SIDT2: variants seen among roughly 807,000 people sequenced by gnomAD.
SIDT2 encodes SID1 transmembrane family, member 2.
A neutral mutation model predicts 114.4 loss-of-function variants in SIDT2; 68 were observed. The ratio of observed to expected loss-of-function variants is 0.59; its 90% CI spans 0.49 to 0.73. The LOEUF is 0.73. Among genes scored for constraint, SIDT2 ranks in the 30% least tolerant of loss-of-function variants. The probability of loss-of-function intolerance (pLI) is 0.00; values close to 1 mark genes in which losing one functional copy is unlikely to be tolerated. For missense variants in SIDT2, 918 were observed against 1,097.1 expected (o/e 0.84, Z 2.31); for synonymous variants, 470 against 438.4 (o/e 1.07, Z -0.90).
chr11:117,186,028 A>G, intron 8 of SIDT2, 102 bp from the exon 9 acceptor site: 1 of 915,798 alleles, frequency 1.1e-6, no homozygotes, highest in Non-Finnish European at 1.8e-6. Flanking sequence ...GAGAAGGGTG[A>G]GAGATTGAGC....
chr11:117,186,386 C>T (rs1044108399), intron 9 of SIDT2, among the ~76,000 whole-genome samples, 163 bp downstream of exon 9: 1 of 152,076 alleles, frequency 6.6e-6, no homozygotes, highest in African/African-American at 2.4e-5. Context: ...CTCTAGAAAC[C>T]ATCCCCTCCC....
chr11:117,187,503 G>C, intron 11 of SIDT2, 54 bp downstream of exon 11: 3 of 1,604,036 alleles, frequency 1.9e-6, no homozygotes, highest in South Asian at 2.2e-5. Context: ...TGTCTCCTTA[G>C]GCCACCACCT....
At position 117,197,080 on chromosome 11, in the gene SIDT2, C is replaced by T. The variant is rs2030918704; in HGVS notation, c.*1014C>T. 1 of 152,450 alleles carries T rather than the reference C, an allele frequency of 6.6e-6. No individual in the cohort carries two copies. The highest frequency in any genetic ancestry group is 1.5e-5 in the Non-Finnish European group (1 of 68,088). 9.4% of individuals were successfully genotyped at this position (152,450 alleles called of 1,614,324 possible). A position where few individuals can be genotyped will look rare whatever the true frequency, so the allele number is the denominator to read the frequency against. On this transcript the variant is annotated 3_prime_UTR_variant, in exon 26 of 26. Transcript: ENST00000324225. Reference sequence around the variant, plus strand: ...CCAGTCCTAGCCTCGCTCTAGGACCCAGGGCTGGCTTCTAAGTTTCCGTCC... The same window carrying T: ...CCAGTCCTAGCCTCGCTCTAGGACCTAGGGCTGGCTTCTAAGTTTCCGTCC...
rs753912935 is a variant in SIDT2 at position 117,181,937 on chromosome 11, C to T, written c.436C>T (p.Leu146Phe). Reference protein sequence around the residue: ...TLSPVNTTYQLRVSRMDDFVL... With the variant: ...TLSPVNTTYQFRVSRMDDFVL... ...GTCACCAGTCAACACCACATACCAG[C>T]TCCGGGTCAGCCGCATGGACGATTT... is the stretch of plus-strand genomic sequence containing the variant. Residue 146 changes from leucine (L) to phenylalanine (F), a missense_variant, in exon 3 of 26, where the codon CTC (leucine) becomes TTC (phenylalanine). Physicochemically the swap from Leu to Phe is conservative, Grantham distance 22 (BLOSUM62 0). Around this residue, in one of 4 missense-constraint regions of SIDT2, gnomAD observed 553 missense variants for 600.1 expected, o/e 0.92. Coordinates refer to ENST00000324225, the MANE Select transcript of SIDT2 (RefSeq NM_001040455.2). 1.2e-6 allele frequency: 2 copies of T among 1,614,166 alleles called. No homozygotes were observed. The highest frequency in any genetic ancestry group is 3.3e-5 in the Admixed American group (2 of 60,022).
Position 117,186,612 on chromosome 11 carries a change from A to G in SIDT2, c.991A>G (p.Ile331Val). ...RQKKKTLLVA[I>V]DRACPESGHP... Reference sequence around the variant, plus strand: ...GAAGAAGAAGACCCTGCTGGTGGCCATTGACCGAGCCTGCCCAGAAAGCGG... The same window carrying G: ...GAAGAAGAAGACCCTGCTGGTGGCCGTTGACCGAGCCTGCCCAGAAAGCGG... The change falls in exon 10 of 26, where the codon ATT (isoleucine) becomes GTT (valine). Residue 331 changes from isoleucine (I) to valine (V), a missense_variant. By Grantham distance (29) the Ile-to-Val change is conservative. Coordinates refer to ENST00000324225, the MANE Select transcript of SIDT2 (RefSeq NM_001040455.2). 1 of 1,568,748 alleles carries G rather than the reference A, an allele frequency of 6.4e-7. No homozygotes were observed. The highest frequency in any genetic ancestry group is 8.6e-7 in the Non-Finnish European group (1 of 1,160,790).
Position 117,187,202 on chromosome 11 carries a change from G to C in SIDT2, c.1016-176G>C, listed in dbSNP as rs1445149429. Among the ~76,000 whole-genome samples the C allele has an allele frequency of 1.3e-4, 19 of 151,972 alleles. 1 individual carries two copies. On this transcript the variant is annotated intron_variant, in intron 10 of 25. Transcript: ENST00000324225. ...GTTTCCATGGGAGAGGCAGGCAGGGGGCTGGGGCGGGTGGTGGTGGCAGCA... is the reference window on the plus strand; with the variant it reads ...GTTTCCATGGGAGAGGCAGGCAGGGCGCTGGGGCGGGTGGTGGTGGCAGCA...
At chr11:117,193,768 A>G (rs986510616) in intron 23 of SIDT2, 85 bp from the exon 24 acceptor site, 2 of 968,428 alleles carry the variant, frequency 2.1e-6, no homozygotes, top group African/African-American at 1.6e-5. Flanking sequence ...CCATGAGGAA[A>G]GGGAATCTGG....
chr11:117,186,271 G>T (rs768931160), intron 9 of SIDT2, 48 bp downstream of exon 9: 1 of 1,541,120 alleles, frequency 6.5e-7, no homozygotes, highest in Non-Finnish European at 9.0e-7. Context: ...GTTTGGGCAG[G>T]TGTGTGGGGC....
intron 10 of SIDT2, chr11:117,187,029 A>G (rs1326546248): frequency 6.9e-7 from 1 of 1,450,512 alleles, no homozygotes; most frequent in African/African-American, 1.4e-5. Context: ...TGGGCAGAGG[A>G]GCTGGAGTCC....
At chr11:117,180,671 G>T (rs1056002498) in intron 1 of SIDT2, among the ~76,000 whole-genome samples, 2 of 151,374 alleles carry the variant, frequency 1.3e-5, no homozygotes, top group Admixed American at 1.3e-4. Context: ...AAGTAGTTGA[G>T]ATTACAGGCG....
At chr11:117,191,581 C>G in intron 18 of SIDT2, 2 of 368,538 alleles carry the variant, frequency 5.4e-6, no homozygotes, top group South Asian at 7.9e-5. Context: ...GAGACTCCGT[C>G]TCCAAAAAAA....
At chr11:117,180,029 C>T (rs1366346137) in intron 1 of SIDT2, among the ~76,000 whole-genome samples, 2 of 152,218 alleles carry the variant, frequency 1.3e-5, no homozygotes, top group Non-Finnish European at 2.9e-5. Context: ...AAATCCACTT[C>T]ACCCTGACTT....
chr11:117,196,486 A>C lies in SIDT2; in HGVS notation c.*420A>C. On this transcript the variant is annotated 3_prime_UTR_variant, in exon 26 of 26. Coordinates refer to ENST00000324225, the MANE Select transcript of SIDT2 (RefSeq NM_001040455.2). This position sits in a 1 kb window ranked among gnomAD's most constrained non-coding sequence, Gnocchi z 4.9. ...ACCTAAGGCCTCTTTTTCCTCCCAT[A>C]CTCCCACTCCAGGGCCTAGTCTGGG... 3.9e-5 allele frequency: 8 copies of C among 207,516 alleles called. No homozygotes were observed. Among genetic ancestry groups the C allele is most frequent in the East Asian group, 1.2e-4 (1 of 8,416 alleles). 12.9% of individuals were successfully genotyped at this position (207,516 alleles called of 1,614,324 possible). A position where few individuals can be genotyped will look rare whatever the true frequency, so the allele number is the denominator to read the frequency against.
intron 15 of SIDT2, 112 bp from the exon 16 acceptor site, chr11:117,189,840 C>A: frequency 1.1e-6 from 1 of 935,942 alleles, no homozygotes; most frequent in Non-Finnish European, 1.7e-6. Flanking sequence ...GTATTCCCAC[C>A]TGCTAGCTGT....
At chr11:117,187,921 T>C (rs1333563763) in intron 12 of SIDT2, 1 of 687,550 alleles carries the variant, frequency 1.5e-6, no homozygotes, top group African/African-American at 1.8e-5. Flanking sequence ...GCGCCTCCCC[T>C]CTGGCCAGAT....
At chr11:117,187,246 G>A (rs963509627) in intron 10 of SIDT2, 132 bp from the exon 11 acceptor site, 1 of 989,826 alleles carries the variant, frequency 1.0e-6, no homozygotes, top group Non-Finnish European at 1.6e-6. Context: ...TGTTTGCCTG[G>A]ATAGGTGCTG....
Position 117,187,591 on chromosome 11 carries a change from C to T in SIDT2, c.1088-37C>T. 3.7e-6 allele frequency: 6 copies of T among 1,611,912 alleles called. No individual in the cohort carries two copies. In the South Asian group the frequency reaches 5.5e-5, roughly 15 times the overall value. ...TGCTCAGAGCCCCTTTCCCTGCGGC[C>T]TCTCCTTCCTGCCTCACCACTGATC... On this transcript the variant is annotated intron_variant, in intron 11 of 25. Transcript: ENST00000324225.
Position 117,190,103 on chromosome 11 carries a change from G to T in SIDT2, c.1494-63G>T. Reference sequence around the variant, plus strand: ...GGGCCTGGGGCTTTGCAATGCCCACGTGGGCTAGGGAAGAGGCCTGGGTGT... The same window carrying T: ...GGGCCTGGGGCTTTGCAATGCCCACTTGGGCTAGGGAAGAGGCCTGGGTGT... On this transcript the variant is annotated intron_variant, in intron 16 of 25. Transcript: ENST00000324225. This position sits in a 1 kb window ranked among gnomAD's most constrained non-coding sequence, Gnocchi z 4.1. 6.2e-7 allele frequency: 1 copy of T among 1,612,948 alleles called. No homozygotes were observed.
chr11:117,193,300 T>C (rs1006766128), intron 23 of SIDT2, 42 bp downstream of exon 23: 12 of 1,523,054 alleles, frequency 7.9e-6, no homozygotes, highest in Non-Finnish European at 1.1e-5. Flanking sequence ...GCTGCTCTGC[T>C]ATCTGGGGAG....
Sources: gnomAD v4.1 joint callset for allele counts (sites outside exome capture counted in the v4.1 genomes callset) on GRCh38, gnomAD v4.1.1 for gene constraint, gnomAD v4.1.1 regional missense constraint, Gnocchi (gnomAD v3.1) non-coding constraint, MANE v1.5 for transcripts, NCBI Gene and HGNC (gene_info 2026-07-23, HGNC 2026-07-21) for gene names.